The following RBBP8 variants were observed in gnomAD, a reference collection of about 807,000 sequenced individuals.
RBBP8 encodes the protein RB binding protein 8, endonuclease.
RBBP8 carries 88 observed loss-of-function variants against 108.3 expected under a neutral mutation model. The observed-to-expected ratio is 0.81, with a 90% CI of 0.68 to 0.97. The LOEUF (loss-of-function observed/expected upper bound fraction) is 0.97, where lower values mean the gene tolerates loss of function less well. RBBP8 is among the 50% of genes least tolerant of loss of function. RBBP8 has a pLI of 0.00. For synonymous variants in RBBP8, 332 were observed against 348.2 expected (o/e 0.95, Z 0.52); for missense variants, 1,023 against 1,049.0 (o/e 0.98, Z 0.34).
chr18:22,993,162 CA>C lies in RBBP8; in HGVS notation c.1339del (p.Arg447GlyfsTer12). 24 of 1,614,034 alleles carry C rather than the reference CA, an allele frequency of 1.5e-5. No homozygotes were observed. Among genetic ancestry groups the C allele is most frequent in the Non-Finnish European group, 1.9e-5 (23 of 1,179,970 alleles). Reference protein sequence around the residue: ...PLKSLGGRTSKRKKTEEESEH... With the variant: ...PLKSLGGRTSXRKKTEEESEH... ...TGAAATCATTGGGAGGCCGAACATC[CA>C]AAAGGAAGAAAACTGAGGAAGAAAG... On this transcript the variant is annotated frameshift_variant, in exon 11 of 19. Transcript: ENST00000327155. LOFTEE classifies it high-confidence loss of function.
intron 1 of RBBP8, among the ~76,000 whole-genome samples, chr18:22,914,462 T>A (rs978931022): frequency 6.6e-6 from 1 of 152,218 alleles, no homozygotes; most frequent in African/African-American, 2.4e-5. Context: ...TTGCGTTATG[T>A]TCATTGATTG....
chr18:23,006,412 G>A lies in RBBP8; in HGVS notation c.2337G>A (p.Pro779=), dbSNP rs200848654. ...DKVKQKAFVE[P]YFKGDERETS... is the part of the protein sequence containing the mutation. ...TCAAGCAGAAAGCGTTTGTGGAGCCGTATTTTAAAGGTGATGAAAGGTAAG... is the reference window on the plus strand; with the variant it reads ...TCAAGCAGAAAGCGTTTGTGGAGCCATATTTTAAAGGTGATGAAAGGTAAG... Residue 779 remains proline (P), a synonymous_variant, in exon 16 of 19, where the codon CCG becomes CCA. Transcript: ENST00000327155. 2.5e-6 allele frequency: 4 copies of A among 1,613,108 alleles called. No individual in the cohort carries two copies. The highest frequency in any genetic ancestry group is 3.3e-5 in the Admixed American group (2 of 59,992).
intron 4 of RBBP8, among the ~76,000 whole-genome samples, chr18:22,954,114 A>G (rs529765514): frequency 6.6e-6 from 1 of 152,262 alleles, no homozygotes; most frequent in African/African-American, 2.4e-5. Context: ...GCCAAATCAT[A>G]TCATTCCACT....
chr18:22,996,400 A>G lies in RBBP8; in HGVS notation c.1966A>G (p.Ser656Gly), dbSNP rs774973300. ...QDVSFENIQW[S>G]IDPGADLSQY... ...TGTATCCTTTGAAAATATCCAGTGG[A>G]GTATAGATCCGGGAGCAGACCTTTC... The change falls in exon 13 of 19, where the codon AGT becomes GGT. Residue 656 changes from serine (S) to glycine (G), a missense_variant. Ser to Gly is a moderately conservative substitution (Grantham distance 56, BLOSUM62 0). Transcript: ENST00000327155. 6.2e-7 allele frequency: 1 copy of G among 1,613,698 alleles called. No homozygotes were observed. Among genetic ancestry groups the G allele is most frequent in the Admixed American group, 1.7e-5 (1 of 60,006 alleles).
intron 6 of RBBP8, among the ~76,000 whole-genome samples, chr18:22,979,371 A>G (rs1214585388): frequency 1.8e-4 from 27 of 152,144 alleles, no homozygotes; most frequent in Admixed American, 1.8e-3. Flanking sequence ...CATTAGCTCT[A>G]AAGATTGTTC....
chr18:22,946,345 TTTA>T lies in RBBP8; in HGVS notation c.110-93_110-91del, dbSNP rs573791810. On this transcript the variant is annotated intron_variant, in intron 2 of 18. Coordinates refer to ENST00000327155, the MANE Select transcript of RBBP8 (RefSeq NM_002894.3). ...TATACTGTAAACTAATGAGACCTGG[TTTA>T]TTATTTAGAGGCCAGACTGATGTGA... is the stretch of plus-strand genomic sequence containing the variant. 1.0e-3 allele frequency: 1,598 copies of T among 1,523,678 alleles called. 7 individuals are homozygous for T. Among genetic ancestry groups the T allele is most frequent in the Non-Finnish European group, 1.0e-3 (1,143 of 1,121,318 alleles). 94.4% of individuals were successfully genotyped at this position (1,523,678 alleles called of 1,614,324 possible).
At chr18:22,934,646 A>AC (rs1910366089) in intron 1 of RBBP8, 1 of 151,466 alleles carries the variant, frequency 6.6e-6, no homozygotes, top group South Asian at 2.1e-4. Context: ...TACTTTAGGT[A>AC]TATCTCCTAA....
rs780571450 is a variant in RBBP8, at chr18:22,993,590, T to C, written c.1763T>C (p.Leu588Pro). 4.3e-6 allele frequency: 7 copies of C among 1,614,176 alleles called. No individual in the cohort carries two copies. In the South Asian group the frequency reaches 7.7e-5, roughly 18 times the overall value. The change falls in exon 11 of 19, where the codon CTA becomes CCA. Residue 588 changes from leucine to proline, a missense_variant. Leu to Pro is a moderately conservative substitution (Grantham distance 98). Coordinates refer to ENST00000327155, the MANE Select transcript of RBBP8 (RefSeq NM_002894.3). Reference sequence around the variant, plus strand: ...GAAAATGCTGTCTTTAAAATTCCTCTACGTCCACGTGAAAGTTTGGAGACT... The same window carrying C: ...GAAAATGCTGTCTTTAAAATTCCTCCACGTCCACGTGAAAGTTTGGAGACT... ...KEENAVFKIP[L>P]RPRESLETEN...
intron 3 of RBBP8, among the ~76,000 whole-genome samples, chr18:22,948,423 A>G (rs1219667305): frequency 1.3e-5 from 2 of 152,102 alleles, no homozygotes; most frequent in East Asian, 3.8e-4. Flanking sequence ...GGCCAGGTTA[A>G]CAAGCTTCAA....
chr18:23,016,662 A>T (rs562891889), intron 16 of RBBP8, 166 bp from the exon 17 acceptor site: 2 of 630,276 alleles, frequency 3.2e-6, no homozygotes, highest in African/African-American at 1.8e-5. Context: ...AAAAATACCC[A>T]TAAAAATACT....
chr18:22,921,695 G>A (rs1909602014), intron 3 of RBBP8, among the ~76,000 whole-genome samples: 1 of 152,162 alleles, frequency 6.6e-6, no homozygotes, highest in Non-Finnish European at 1.5e-5. Flanking sequence ...ATTTTTGTCT[G>A]ATGTATTTGA....
At chr18:22,999,919 G>A (rs1005045491) in intron 14 of RBBP8, among the ~76,000 whole-genome samples, 8 of 152,148 alleles carry the variant, frequency 5.3e-5, no homozygotes, top group African/African-American at 1.7e-4. Flanking sequence ...AGAATGTTCC[G>A]AGGATGCCTA....
Position 23,001,726 on chromosome 18 carries a change from C to A in RBBP8, c.2284C>A (p.His762Asn). ...EELSTATKKL[H>N]THGDKQDKVK... ...ATTGTCTACTGCCACAAAGAAACTA[C>A]ACAGTAAGATTTTTTTCTGTTTAAT... The change falls in exon 15 of 19, where the codon CAC becomes AAC. Residue 762 changes from histidine (H) to asparagine (N), a missense_variant. Physicochemically the swap from His to Asn is moderately conservative, Grantham distance 68. Coordinates refer to ENST00000327155, the MANE Select transcript of RBBP8 (RefSeq NM_002894.3). The A allele has an allele frequency of 6.2e-7, 1 of 1,614,122 alleles. No homozygotes were observed. The highest frequency in any genetic ancestry group is 1.1e-5 in the South Asian group (1 of 91,084).
chr18:22,957,919 T>G (rs905630398), intron 4 of RBBP8, among the ~76,000 whole-genome samples: 9 of 152,220 alleles, frequency 5.9e-5, no homozygotes, highest in African/African-American at 2.2e-4. Context: ...CTCTCCTGTA[T>G]TTGAAAAGTT....
chr18:23,020,248 C>G (rs953303874), intron 17 of RBBP8, among the ~76,000 whole-genome samples: 77 of 151,764 alleles, frequency 5.1e-4, no homozygotes, highest in African/African-American at 1.9e-3. Context: ...TGGTAAAACC[C>G]TGTCCCTACT....
chr18:22,993,633 C>T lies in RBBP8; in HGVS notation c.1806C>T (p.Asp602=), dbSNP rs1380047745. 6.2e-7 allele frequency: 1 copy of T among 1,614,206 alleles called. No individual in the cohort carries two copies. Among genetic ancestry groups the T allele is most frequent in the Non-Finnish European group, 8.5e-7 (1 of 1,180,024 alleles). ...ESLETENVLD[D]IKSAGSHEPI... ...TGGAGACTGAGAATGTTTTAGATGACATAAAGGTTTGTGTTAAATGTTCAA... is the reference window on the plus strand; with the variant it reads ...TGGAGACTGAGAATGTTTTAGATGATATAAAGGTTTGTGTTAAATGTTCAA... Residue 602 remains aspartate, a synonymous_variant, in exon 11 of 19, where the codon GAC becomes GAT. Coordinates refer to ENST00000327155, the MANE Select transcript of RBBP8 (RefSeq NM_002894.3).
rs1378606765 is a variant in RBBP8 at position 22,936,857 on chromosome 18, C to T, written c.6C>T (p.Asn2=). The T allele has an allele frequency of 4.3e-6, 7 of 1,614,052 alleles. No homozygotes were observed. Among genetic ancestry groups the T allele is most frequent in the East Asian group, 2.2e-5 (1 of 44,868 alleles). The change falls in exon 2 of 19, where the codon AAC becomes AAT. Residue 2 remains asparagine (N), a synonymous_variant. Transcript: ENST00000327155. ...TGTGGAGCATATTAAGCAAGATGAACATCTCGGGAAGCAGCTGTGGAAGCC... is the reference window on the plus strand; with the variant it reads ...TGTGGAGCATATTAAGCAAGATGAATATCTCGGGAAGCAGCTGTGGAAGCC... M[N]ISGSSCGSPN...
rs902242891 is a variant in RBBP8, at chr18:23,005,870, T to G, written c.2288-493T>G. 2.0e-5 allele frequency among the ~76,000 whole-genome samples: 3 copies of G among 152,172 alleles called. No homozygotes were observed. The East Asian group carries it at 5.8e-4, about 29-fold the overall frequency. On this transcript the variant is annotated intron_variant, in intron 15 of 18. Coordinates refer to ENST00000327155, the MANE Select transcript of RBBP8 (RefSeq NM_002894.3). ...GAATGAAACAGCACCCTCCTCATTA[T>G]GCAGATGCAAAAGAAAGAAAAAAGT...
chr18:22,939,512 G>A (rs1910875360), intron 2 of RBBP8, among the ~76,000 whole-genome samples: 1 of 151,904 alleles, frequency 6.6e-6, no homozygotes, highest in Admixed American at 6.6e-5. Flanking sequence ...GGCAACAAGA[G>A]CGAAACTCCG....
Sources: gnomAD v4.1 joint callset for allele counts (sites outside exome capture counted in the v4.1 genomes callset) on GRCh38, gnomAD v4.1.1 for gene constraint, MANE v1.5 for transcripts, NCBI Gene and HGNC (gene_info 2026-07-23, HGNC 2026-07-21) for gene names.